KLHDC1: variants seen among roughly 807,000 people sequenced by gnomAD.
KLHDC1 encodes the protein kelch domain containing 1.
Under a neutral mutation model 68.3 loss-of-function variants are expected in KLHDC1, and 53 were observed. The ratio of observed to expected loss-of-function variants is 0.78; its 90% CI spans 0.62 to 0.98. The LOEUF is 0.98. Among genes scored for constraint, KLHDC1 ranks in the 50% least tolerant of loss-of-function variants. The pLI, the probability that KLHDC1 is intolerant of heterozygous loss-of-function variation, is 0.00. For synonymous variants in KLHDC1, 148 were observed against 159.0 expected, an observed-to-expected ratio of 0.93 and a Z score of 0.52; for missense variants, 470 against 492.3, an observed-to-expected ratio of 0.95 and a Z score of 0.43.
intron 1 of KLHDC1, among the ~76,000 whole-genome samples, chr14:49,701,479 G>A (rs1394102012): frequency 1.3e-5 from 2 of 151,854 alleles, no homozygotes; most frequent in Non-Finnish European, 2.9e-5. Context: ...GACCAACATG[G>A]TGAAACCCCG....
At chr14:49,713,842 A>T (rs1259733618) in intron 4 of KLHDC1, among the ~76,000 whole-genome samples, 20,154 of 28,150 alleles carry the variant, frequency 0.72, 6,732 homozygotes, top group East Asian at 0.92. Context: ...ATATATATAT[A>T]TATATATATT....
intron 8 of KLHDC1, among the ~76,000 whole-genome samples, chr14:49,730,008 A>G (rs1888763538): frequency 1.3e-5 from 2 of 152,218 alleles, no homozygotes; most frequent in African/African-American, 4.8e-5. Flanking sequence ...CCATAAAACC[A>G]TGAAAGTCTC....
At chr14:49,707,257 C>T (rs563818132) in intron 1 of KLHDC1, among the ~76,000 whole-genome samples, 14 of 145,790 alleles carry the variant, frequency 9.6e-5, no homozygotes, top group East Asian at 4.0e-4. Flanking sequence ...ACTAATACAA[C>T]GCTTTTCTAT....
At chr14:49,707,288 G>A (rs574166742) in intron 1 of KLHDC1, among the ~76,000 whole-genome samples, 7 of 139,548 alleles carry the variant, frequency 5.0e-5, no homozygotes, top group African/African-American at 1.9e-4. Context: ...GTGTGTGTGT[G>A]TGTGTGTGTG....
chr14:49,727,299 G>T (rs556480098), intron 6 of KLHDC1, among the ~76,000 whole-genome samples: 1 of 151,984 alleles, frequency 6.6e-6, no homozygotes, highest in Non-Finnish European at 1.5e-5. Context: ...CTCTACTTGG[G>T]CATGTTCCTA....
At chr14:49,719,969 A>G (rs1001782978) in intron 4 of KLHDC1, among the ~76,000 whole-genome samples, 4 of 144,282 alleles carry the variant, frequency 2.8e-5, no homozygotes, top group African/African-American at 7.6e-5. Context: ...CTACAAGTGC[A>G]TGCCACCACA....
intron 8 of KLHDC1, 22 bp downstream of exon 8, chr14:49,729,570 G>C: frequency 6.6e-7 from 1 of 1,523,352 alleles, no homozygotes; most frequent in Non-Finnish European, 9.1e-7. Flanking sequence ...GTCTAAGTAC[G>C]TTTTAATCTA....
At chr14:49,722,212 T>A (rs1428941865) in intron 4 of KLHDC1, among the ~76,000 whole-genome samples, 1 of 152,218 alleles carries the variant, frequency 6.6e-6, no homozygotes, top group Non-Finnish European at 1.5e-5. Flanking sequence ...TGTGCCATGT[T>A]GGTATGCTGC....
At chr14:49,737,864 C>CAAAAAAA (rs760826908) in intron 10 of KLHDC1, among the ~76,000 whole-genome samples, 4 of 50,272 alleles carry the variant, frequency 8.0e-5, no homozygotes, top group Non-Finnish European at 1.2e-4. Flanking sequence ...GATCCTGTCT[C>CAAAAAAA]AAAAAAAAAA....
At chr14:49,704,454 C>T (rs572229162) in intron 1 of KLHDC1, among the ~76,000 whole-genome samples, 2 of 116,718 alleles carry the variant, frequency 1.7e-5, no homozygotes, top group African/African-American at 3.3e-5. Flanking sequence ...AGTGCAGTGG[C>T]GCAATCTGGG....
At chr14:49,734,529 A>T in intron 9 of KLHDC1, 60 bp from the exon 10 acceptor site, 3 of 941,522 alleles carry the variant, frequency 3.2e-6, no homozygotes, top group Non-Finnish European at 4.8e-6. Flanking sequence ...AATTGGGGGG[A>T]AAATTAAAAT....
chr14:49,728,817 A>C (rs1014618427), intron 6 of KLHDC1, 109 bp from the exon 7 acceptor site: 24 of 776,288 alleles, frequency 3.1e-5, no homozygotes, highest in Non-Finnish European at 5.2e-5. Flanking sequence ...ATTGAATTAC[A>C]TAGGTAATGA....
At chr14:49,745,317 G>A (rs943217048) in intron 12 of KLHDC1, among the ~76,000 whole-genome samples, 1 of 152,088 alleles carries the variant, frequency 6.6e-6, no homozygotes, top group African/African-American at 2.4e-5. Context: ...AAAAATTAAT[G>A]CCTGTGTTCT....
chr14:49,693,183 G>A lies in KLHDC1; in HGVS notation c.-12G>A, dbSNP rs1038207933. 44 of 1,576,770 alleles carry A rather than the reference G, an allele frequency of 2.8e-5. No individual in the cohort carries two copies. Among genetic ancestry groups the A allele is most frequent in the Middle Eastern group, 1.7e-4 (1 of 5,936 alleles). On this transcript the variant is annotated 5_prime_UTR_variant, in exon 1 of 13. Transcript: ENST00000359332. ...TTGTGGCGCGGCAAGCGGCGGGCCA[G>A]CGACGGCGCGAATGGCGGACTCTCA... is the stretch of plus-strand genomic sequence containing the variant.
chr14:49,703,543 A>G lies in KLHDC1; in HGVS notation c.97-5616A>G, dbSNP rs117791927. Among the ~76,000 whole-genome samples the G allele has an allele frequency of 4.7e-3, 714 of 152,250 alleles. 4 individuals carry two copies. The highest frequency in any genetic ancestry group is 6.8e-3 in the Middle Eastern group (2 of 294). On this transcript the variant is annotated intron_variant, in intron 1 of 12. Transcript: ENST00000359332. Reference sequence around the variant, plus strand: ...TTTGTAGTAGAAACGGGGTTTCACCATGATGGCCAGGTTGATCTTGGACTC... The same window carrying G: ...TTTGTAGTAGAAACGGGGTTTCACCGTGATGGCCAGGTTGATCTTGGACTC...
intron 1 of KLHDC1, among the ~76,000 whole-genome samples, chr14:49,697,748 T>A (rs1887785288): frequency 6.6e-6 from 1 of 152,250 alleles, no homozygotes; most frequent in Non-Finnish European, 1.5e-5. Context: ...AAATTAGAAC[T>A]AACTTTTGAG....
intron 1 of KLHDC1, 101 bp downstream of exon 1, chr14:49,693,391 C>T (rs1194960048): frequency 2.5e-6 from 2 of 813,392 alleles, no homozygotes; most frequent in South Asian, 5.0e-5. Flanking sequence ...GCGGCCCAGG[C>T]CTGGCGCGCC....
intron 10 of KLHDC1, among the ~76,000 whole-genome samples, chr14:49,738,583 T>G (rs1054305444): frequency 6.6e-6 from 1 of 152,144 alleles, no homozygotes; most frequent in Non-Finnish European, 1.5e-5. Flanking sequence ...CTCCTGACCT[T>G]GTGATCTGCC....
Position 49,722,546 on chromosome 14 carries a change from T to C in KLHDC1, c.405-1328T>C, listed in dbSNP as rs540846361. ...GACATTTGGGTTGATTCCAAGTCTT[T>C]GAGGCTGGGTTTCTAAAGATGCTAA... On this transcript the variant is annotated intron_variant, in intron 4 of 12. Coordinates refer to ENST00000359332, the MANE Select transcript of KLHDC1 (RefSeq NM_172193.3). Among the ~76,000 whole-genome samples the C allele has an allele frequency of 6.6e-5, 10 of 152,370 alleles. No individual in the cohort carries two copies. The South Asian group carries it at 2.1e-3, about 32-fold the overall frequency.
Sources: gnomAD v4.1 joint callset for allele counts (sites outside exome capture counted in the v4.1 genomes callset) on GRCh38, gnomAD v4.1.1 for gene constraint, MANE v1.5 for transcripts, NCBI Gene and HGNC (gene_info 2026-07-23, HGNC 2026-07-21) for gene names.